The following QSER1 variants were observed in gnomAD, a reference collection of about 807,000 sequenced individuals.
The protein encoded by QSER1 is glutamine and serine rich 1, also known as glutamine and serine-rich protein 1.
QSER1 carries 49 observed loss-of-function variants against 158.5 expected under a neutral mutation model. The observed-to-expected ratio is 0.31, with a 90% CI of 0.25 to 0.39. QSER1 has a LOEUF of 0.39. Among genes scored for constraint, QSER1 ranks in the 10% least tolerant of loss-of-function variants. The pLI, the probability that QSER1 is intolerant of heterozygous loss-of-function variation, is 1.00. For synonymous variants in QSER1, 650 were observed against 715.5 expected, an observed-to-expected ratio of 0.91 and a Z score of 1.46; for missense variants, 1,754 against 2,010.3, an observed-to-expected ratio of 0.87 and a Z score of 2.44.
At position 32,954,190 on chromosome 11, in the gene QSER1, T is replaced by C; in HGVS notation, c.4500+11T>C. On this transcript the variant is annotated intron_variant, in intron 5 of 12. Transcript: ENST00000650167. ...ATAGAGACTTTTAAGGTGATGTCAG[T>C]GTTCACCAGTGTAAAGGTCATAGTT... The C allele has an allele frequency of 6.2e-7, 1 of 1,606,152 alleles. No homozygotes were observed. Among genetic ancestry groups the C allele is most frequent in the Non-Finnish European group, 8.5e-7 (1 of 1,176,708 alleles).
Position 32,932,875 on chromosome 11 carries a change from C to T in QSER1, c.1617C>T (p.Tyr539=). Residue 539 remains tyrosine, a synonymous_variant, in exon 4 of 13, where the codon TAC becomes TAT. Transcript: ENST00000650167. ...EVLSSVTNEN[Y]PAQTRDLSSV... The stretch of plus-strand genomic sequence containing the variant: ...TGTCTTCAGTTACAAATGAGAATTA[C>T]CCTGCTCAAACAAGAGATCTGTCTT... The T allele has an allele frequency of 6.2e-7, 1 of 1,614,082 alleles. No individual in the cohort carries two copies. Among genetic ancestry groups the T allele is most frequent in the Non-Finnish European group, 8.5e-7 (1 of 1,180,002 alleles).
chr11:32,976,607 T>A lies in QSER1; in HGVS notation c.*133T>A. ...CCATCATGGAACTGTCATTACCACCTCTGCTGAAGGACAGTGGTGCGGCCT... is the reference window on the plus strand; with the variant it reads ...CCATCATGGAACTGTCATTACCACCACTGCTGAAGGACAGTGGTGCGGCCT... On this transcript the variant is annotated 3_prime_UTR_variant, in exon 13 of 13. Transcript: ENST00000650167. 1.0e-6 allele frequency: 1 copy of A among 952,564 alleles called. No homozygotes were observed. Among genetic ancestry groups the A allele is most frequent in the Non-Finnish European group, 1.6e-6 (1 of 622,514 alleles). 59.0% of individuals were successfully genotyped at this position (952,564 alleles called of 1,614,324 possible).
intron 1 of QSER1, among the ~76,000 whole-genome samples, chr11:32,894,286 T>C (rs980508106): frequency 3.9e-5 from 6 of 152,162 alleles, no homozygotes; most frequent in African/African-American, 1.4e-4. Flanking sequence ...ACGGTCCCAT[T>C]TGAATGATAA....
At position 32,975,312 on chromosome 11, in the gene QSER1, A is replaced by G; in HGVS notation, c.5423A>G (p.Lys1808Arg). ...TTGTATCATTCACTCCATCATTATA[A>G]GTACCATGTTTATCTGATATGTAAG... ...YSLYHSLHHY[K>R]YHVYLICKDE... Residue 1808 changes from lysine (K) to arginine (R), a missense_variant, in exon 12 of 13, where the codon AAG becomes AGG. Lys to Arg is a conservative substitution (Grantham distance 26). This residue lies in a region of QSER1 where 47 missense variants were observed against 90.7 expected (regional missense o/e 0.52). Transcript: ENST00000650167. 1 of 1,596,908 alleles carries G rather than the reference A, an allele frequency of 6.3e-7. No homozygotes were observed. The highest frequency in any genetic ancestry group is 8.6e-7 in the Non-Finnish European group (1 of 1,165,610).
chr11:32,969,354 T>C (rs1852808663), intron 10 of QSER1, among the ~76,000 whole-genome samples: 1 of 152,170 alleles, frequency 6.6e-6, no homozygotes, highest in Non-Finnish European at 1.5e-5. Flanking sequence ...CATTTATAGT[T>C]ATCTATTATA....
At chr11:32,898,798 T>C (rs576033115) in intron 1 of QSER1, among the ~76,000 whole-genome samples, 159 of 152,314 alleles carry the variant, frequency 1.0e-3, no homozygotes, top group Admixed American at 2.4e-3. Context: ...GGTCGGGAAC[T>C]CTTGGCCTCA....
At chr11:32,895,084 A>C (rs1358798463) in intron 1 of QSER1, among the ~76,000 whole-genome samples, 1 of 152,236 alleles carries the variant, frequency 6.6e-6, no homozygotes, top group Non-Finnish European at 1.5e-5. Context: ...TGAGGCAAGA[A>C]ACTAAAATCT....
chr11:32,965,173 G>A (rs991016956), intron 8 of QSER1, among the ~76,000 whole-genome samples: 9 of 151,842 alleles, frequency 5.9e-5, no homozygotes, highest in African/African-American at 1.5e-4. Context: ...GTGCAGTGGC[G>A]CAGTCACAGT....
At chr11:32,900,706 G>A (rs1590706077) in intron 1 of QSER1, among the ~76,000 whole-genome samples, 2 of 152,286 alleles carry the variant, frequency 1.3e-5, no homozygotes, top group South Asian at 4.2e-4. Context: ...AACATGCTAA[G>A]ATTATTTGTG....
At chr11:32,966,254 A>G in intron 8 of QSER1, 46 bp from the exon 9 acceptor site, 1 of 1,588,224 alleles carries the variant, frequency 6.3e-7, no homozygotes, top group Non-Finnish European at 8.5e-7. Context: ...TGTTTTTAAA[A>G]TTGTCAGGAA....
chr11:32,956,618 T>G (rs1852517907), intron 7 of QSER1, among the ~76,000 whole-genome samples: 2 of 152,206 alleles, frequency 1.3e-5, no homozygotes, highest in South Asian at 2.1e-4. Flanking sequence ...GATAACTGAC[T>G]TGACCCTGTG....
At chr11:32,955,055 T>C (rs1429043255) in intron 5 of QSER1, among the ~76,000 whole-genome samples, 2 of 152,250 alleles carry the variant, frequency 1.3e-5, no homozygotes, top group African/African-American at 2.4e-5. Context: ...CCAATAGTTT[T>C]AGCTGCACAA....
Position 32,908,350 on chromosome 11 carries a change from CAG to C in QSER1, c.209+15018_209+15019del, listed in dbSNP as rs1212224829. 3.3e-5 allele frequency among the ~76,000 whole-genome samples: 5 copies of C among 152,314 alleles called. No individual in the cohort carries two copies. The East Asian group carries it at 5.8e-4, about 18-fold the overall frequency. ...CATTATTTCCCTGTGAAACAGCAGA[CAG>C]AAATTCTTAGCTGCCTTGACTTTGG... On this transcript the variant is annotated intron_variant, in intron 1 of 12. Transcript: ENST00000650167.
intron 4 of QSER1, among the ~76,000 whole-genome samples, chr11:32,939,477 G>A (rs1467198547): frequency 1.3e-5 from 2 of 152,050 alleles, no homozygotes; most frequent in Non-Finnish European, 2.9e-5. Context: ...GGCATTCTGG[G>A]ATGTTCTGGG....
chr11:32,894,040 T>A (rs1851522497), intron 1 of QSER1, among the ~76,000 whole-genome samples: 1 of 141,284 alleles, frequency 7.1e-6, no homozygotes, highest in South Asian at 2.5e-4. Context: ...TTGCCTTCTA[T>A]GCCTCGGGGT....
intron 8 of QSER1, among the ~76,000 whole-genome samples, chr11:32,964,739 TACACACACACACACAC>T (rs1176492165): frequency 4.0e-5 from 4 of 100,760 alleles, no homozygotes; most frequent in Non-Finnish European, 5.8e-5. Flanking sequence ...TATATATATA[TACACACACACACACAC>T]ACACACACAC....
rs1320770737 is a variant in QSER1 at position 32,932,546 on chromosome 11, A to G, written c.1288A>G (p.Ile430Val). The change falls in exon 4 of 13, where the codon ATT (isoleucine) becomes GTT (valine). Residue 430 changes from isoleucine to valine, a missense_variant. Transcript: ENST00000650167. ...STKTPKPQSI[I>V]PPVQTLSYSK... Reference sequence around the variant, plus strand: ...CAAGACCCCTAAACCTCAAAGTATAATTCCTCCTGTGCAAACACTAAGCTA... The same window carrying G: ...CAAGACCCCTAAACCTCAAAGTATAGTTCCTCCTGTGCAAACACTAAGCTA... The G allele has an allele frequency of 1.2e-6, 2 of 1,614,068 alleles. No individual in the cohort carries two copies. Among genetic ancestry groups the G allele is most frequent in the African/African-American group, 2.7e-5 (2 of 74,954 alleles).
chr11:32,901,857 GC>G (rs1851629870), intron 1 of QSER1, among the ~76,000 whole-genome samples: 1 of 152,214 alleles, frequency 6.6e-6, no homozygotes, highest in African/African-American at 2.4e-5. Flanking sequence ...GCTGAGATGG[GC>G]TGATGGCTTG....
intron 4 of QSER1, among the ~76,000 whole-genome samples, chr11:32,941,781 G>C (rs1852241548): frequency 6.6e-6 from 1 of 151,968 alleles, no homozygotes; most frequent in African/African-American, 2.4e-5. Context: ...GGTATTTCTA[G>C]TTCTAGATCC....
Sources: allele counts gnomAD v4.1 joint callset (sites outside exome capture counted in the v4.1 genomes callset), GRCh38; gene constraint gnomAD v4.1.1; regional missense constraint gnomAD v4.1.1; transcripts MANE v1.5; gene names NCBI Gene and HGNC (gene_info 2026-07-23, HGNC 2026-07-21).